Variants in GFRA1 observed in about 807,000 individuals in gnomAD.
GFRA1 encodes GDNF family receptor alpha-1.
In GFRA1, 16 loss-of-function variants were observed where a neutral mutation model predicts 51.6. That is an observed-to-expected ratio of 0.31 (90% confidence interval 0.21 to 0.47). GFRA1 has a LOEUF of 0.47. Among genes scored for constraint, GFRA1 ranks in the 20% least tolerant of loss-of-function variants. The pLI is 1.00. For missense variants in GFRA1, 530 were observed against 594.3 expected, an observed-to-expected ratio of 0.89 and a Z score of 1.13; for synonymous variants, 270 against 241.3, an observed-to-expected ratio of 1.12 and a Z score of -1.10.
chr10:116,219,657 C>CAATGA (rs957815085), intron 4 of GFRA1, among the ~76,000 whole-genome samples: 7 of 152,086 alleles, frequency 4.6e-5, no homozygotes, highest in African/African-American at 1.7e-4. Flanking sequence ...TTTAATTTTC[C>CAATGA]TAAACTTCTA....
intron 4 of GFRA1, among the ~76,000 whole-genome samples, chr10:116,226,277 T>A (rs547529998): frequency 6.6e-6 from 1 of 152,176 alleles, no homozygotes; most frequent in South Asian, 2.1e-4. Context: ...AATACTGGCA[T>A]GTCCCAAGTC....
rs747251574 is a variant in GFRA1, at chr10:116,270,829, G to A, written c.327C>T (p.Ser109=). Reference sequence around the variant, plus strand: ...GGGAGGTTCCACGCGTACCCTGCAGGCTCTGGTACATGCTCCAGTAAATGC... The same window carrying A: ...GGGAGGTTCCACGCGTACCCTGCAGACTCTGGTACATGCTCCAGTAAATGC... ...CLRIYWSMYQ[S]LQGNDLLEDS... Residue 109 remains serine (S), a synonymous_variant, in exon 3 of 11, where the codon AGC becomes AGT. Transcript: ENST00000355422. 3 of 1,612,520 alleles carry A rather than the reference G, an allele frequency of 1.9e-6. No homozygotes were observed. The highest frequency in any genetic ancestry group is 1.1e-5 in the South Asian group (1 of 91,058).
At chr10:116,122,751 G>T (rs780628162) in intron 6 of GFRA1, among the ~76,000 whole-genome samples, 1 of 152,048 alleles carries the variant, frequency 6.6e-6, no homozygotes, top group Admixed American at 6.5e-5. Context: ...GGAAGGAAAG[G>T]CTCCATCACC....
chr10:116,217,820 T>C (rs1965661963), intron 4 of GFRA1, among the ~76,000 whole-genome samples: 1 of 152,174 alleles, frequency 6.6e-6, no homozygotes, highest in African/African-American at 2.4e-5. Context: ...GAATGAGAGA[T>C]TGCCTATAAG....
chr10:116,064,567 T>G (rs1955007303), intron 10 of GFRA1, 23 bp from the exon 11 acceptor site: 1 of 1,598,820 alleles, frequency 6.3e-7, no homozygotes, highest in Non-Finnish European at 8.6e-7. Flanking sequence ...ATGGTTTCAT[T>G]ATCATCCACT....
chr10:116,091,925 C>T (rs1956355016), intron 8 of GFRA1, among the ~76,000 whole-genome samples: 1 of 152,060 alleles, frequency 6.6e-6, no homozygotes, highest in Non-Finnish European at 1.5e-5. Context: ...TCTCCTTCAC[C>T]AAAAAGGTTA....
At chr10:116,254,348 GA>G (rs1968650694) in intron 4 of GFRA1, among the ~76,000 whole-genome samples, 2 of 143,898 alleles carry the variant, frequency 1.4e-5, no homozygotes, top group African/African-American at 5.1e-5. Context: ...AAGAAAGAAA[GA>G]AAAGAAAAGA....
intron 2 of GFRA1, among the ~76,000 whole-genome samples, chr10:116,271,734 C>T (rs140689450): frequency 6.6e-6 from 1 of 152,202 alleles, no homozygotes; most frequent in Non-Finnish European, 1.5e-5. Context: ...TGGAGGGCTT[C>T]TTAGTCCCCC....
At chr10:116,158,262 G>A (rs1214950690) in intron 5 of GFRA1, among the ~76,000 whole-genome samples, 1 of 152,192 alleles carries the variant, frequency 6.6e-6, no homozygotes, top group Non-Finnish European at 1.5e-5. Flanking sequence ...ATCACCCCAG[G>A]ATTGAAGGTT....
In GFRA1 at chr10:116,099,254, C is replaced by A. The variant is rs146069202; in HGVS notation, c.771-2490G>T. 4.3e-3 allele frequency among the ~76,000 whole-genome samples: 662 copies of A among 152,248 alleles called. 6 individuals are homozygous for A. The highest frequency in any genetic ancestry group is 0.014 in the African/African-American group (568 of 41,542). ...ATTGCAGTGGTAGTTTGAAAGTGGC[C>A]ATGGTGGAGGGATTTACACCACGGT... On this transcript the variant is annotated intron_variant, in intron 6 of 10. Coordinates refer to ENST00000355422, the MANE Select transcript of GFRA1 (RefSeq NM_005264.8).
Position 116,089,918 on chromosome 10 carries a change from A to AT in GFRA1, c.1019dup (p.Asn340LysfsTer35). On this transcript the variant is annotated frameshift_variant, in exon 9 of 11. Coordinates refer to ENST00000355422, the MANE Select transcript of GFRA1 (RefSeq NM_005264.8). LOFTEE classifies it high-confidence loss of function. ...AGCCATTGCCAAAGGCTTGAATTGC[A>AT]TTTTCTGCAGTAAAACAGGAGGAAA... 6.2e-7 allele frequency: 1 copy of AT among 1,612,252 alleles called. No individual in the cohort carries two copies. The highest frequency in any genetic ancestry group is 8.5e-7 in the Non-Finnish European group (1 of 1,179,188).
intron 5 of GFRA1, among the ~76,000 whole-genome samples, chr10:116,133,467 T>A (rs1031579315): frequency 6.6e-6 from 1 of 151,736 alleles, no homozygotes. Flanking sequence ...GGATTAGGAG[T>A]GAGGAGCATC....
chr10:116,261,548 C>A (rs532255146), intron 4 of GFRA1, among the ~76,000 whole-genome samples: 268 of 152,204 alleles, frequency 1.8e-3, no homozygotes, highest in African/African-American at 6.0e-3. Context: ...TACTTATTTT[C>A]TTTTGTACTT....
At chr10:116,171,404 C>T (rs1368728537) in intron 5 of GFRA1, among the ~76,000 whole-genome samples, 2 of 152,074 alleles carry the variant, frequency 1.3e-5, no homozygotes, top group Non-Finnish European at 2.9e-5. Context: ...TGACAAGACC[C>T]AACTATAATT....
At chr10:116,264,530 A>T (rs1440240075) in intron 4 of GFRA1, among the ~76,000 whole-genome samples, 7 of 152,238 alleles carry the variant, frequency 4.6e-5, no homozygotes, top group Non-Finnish European at 8.8e-5. Flanking sequence ...AATAGCTACC[A>T]TAAAGGCAAG....
At chr10:116,078,802 C>T (rs369313174) in intron 9 of GFRA1, among the ~76,000 whole-genome samples, 81 of 152,260 alleles carry the variant, frequency 5.3e-4, no homozygotes, top group African/African-American at 1.8e-3. Flanking sequence ...ACAAATAACA[C>T]GCAGCCCCAA....
At chr10:116,155,109 T>C (rs1959174821) in intron 5 of GFRA1, among the ~76,000 whole-genome samples, 2 of 152,202 alleles carry the variant, frequency 1.3e-5, no homozygotes, top group Non-Finnish European at 2.9e-5. Flanking sequence ...CCCAGAACTC[T>C]AATGTGTCAA....
chr10:116,215,890 C>T lies in GFRA1; in HGVS notation c.419-4245G>A, dbSNP rs7923836. Among the ~76,000 whole-genome samples, 1,353 of 152,282 alleles carry T rather than the reference C, an allele frequency of 8.9e-3. 14 individuals are homozygous for T. Among genetic ancestry groups the T allele is most frequent in the African/African-American group, 0.031 (1,280 of 41,556 alleles). ...CTGCCCACCCCCGGCTCCCTCTCCC[C>T]ACCAGCCCCTGGAGCCATTCTGGTC... is the stretch of plus-strand genomic sequence containing the variant. On this transcript the variant is annotated intron_variant, in intron 4 of 10. Coordinates refer to ENST00000355422, the MANE Select transcript of GFRA1 (RefSeq NM_005264.8).
Position 116,084,728 on chromosome 10 carries a change from C to T in GFRA1, c.1197+5013G>A, listed in dbSNP as rs7087347. 2.3e-3 allele frequency among the ~76,000 whole-genome samples: 353 copies of T among 150,344 alleles called. 2 individuals are homozygous for T. Among genetic ancestry groups the T allele is most frequent in the African/African-American group, 8.3e-3 (340 of 40,984 alleles). Reference sequence around the variant, plus strand: ...CAATGATGCAAAATAGAGAATTTTTCTAACGTTCCAAAGATATTTACTTTA... The same window carrying T: ...CAATGATGCAAAATAGAGAATTTTTTTAACGTTCCAAAGATATTTACTTTA... On this transcript the variant is annotated intron_variant, in intron 9 of 10. Coordinates refer to ENST00000355422, the MANE Select transcript of GFRA1 (RefSeq NM_005264.8).
Sources: gnomAD v4.1 joint callset for allele counts (sites outside exome capture counted in the v4.1 genomes callset) on GRCh38, gnomAD v4.1.1 for gene constraint, MANE v1.5 for transcripts, NCBI Gene and HGNC (gene_info 2026-07-23, HGNC 2026-07-21) for gene names.